Variants in CCDC3 observed in about 807,000 individuals in gnomAD.
The protein encoded by CCDC3 is coiled-coil domain-containing protein 3.
Under a neutral mutation model 21.4 loss-of-function variants are expected in CCDC3, and 24 were observed. The ratio of observed to expected loss-of-function variants is 1.12; its 90% CI spans 0.81 to 1.58. The LOEUF is 1.58. Ranked by LOEUF, CCDC3 falls within the 40% of genes most tolerant of loss-of-function variation. CCDC3 has a pLI of 0.00. For synonymous variants in CCDC3, 186 were observed against 166.0 expected (o/e 1.12, Z -0.93); for missense variants, 425 against 360.9 (o/e 1.18, Z -1.44).
rs928242714 is a variant in CCDC3, at chr10:12,955,989, T to A, written c.549+42349A>T. Among the ~76,000 whole-genome samples the A allele has an allele frequency of 1.4e-3, 207 of 152,244 alleles. 3 individuals carry two copies. Among genetic ancestry groups the A allele is most frequent in the Non-Finnish European group, 1.5e-3 (103 of 67,996 alleles). On this transcript the variant is annotated intron_variant, in intron 2 of 2. Transcript: ENST00000378825. ...TCCCAAAGTGCTGGGATTACAGATG[T>A]CAGCCACAGTGCCCAGCCCTAAATA...
chr10:12,975,302 C>T (rs951924294), intron 2 of CCDC3, among the ~76,000 whole-genome samples: 1 of 152,182 alleles, frequency 6.6e-6, no homozygotes, highest in African/African-American at 2.4e-5. Flanking sequence ...CCCAGACACC[C>T]CCACTGCCCT....
intron 3 of CCDC3, among the ~76,000 whole-genome samples, chr10:13,080,631 C>T (rs1277391088): frequency 2.0e-5 from 3 of 152,134 alleles, no homozygotes; most frequent in African/African-American, 7.2e-5. Context: ...TTATCCAACC[C>T]CTTATAAAGA....
chr10:12,931,419 C>T (rs1308166839), intron 2 of CCDC3, among the ~76,000 whole-genome samples: 1 of 152,140 alleles, frequency 6.6e-6, no homozygotes, highest in African/African-American at 2.4e-5. Flanking sequence ...CTAAAAACTA[C>T]GTTTCCCAAA....
chr10:12,962,927 C>T (rs577066370), intron 2 of CCDC3, among the ~76,000 whole-genome samples: 1 of 152,282 alleles, frequency 6.6e-6, no homozygotes, highest in South Asian at 2.1e-4. Flanking sequence ...TATATGGTTT[C>T]TTCCAAGCTT....
exon 2 of CCDC3, chr10:13,099,142 C>G (rs1243128307): frequency 6.6e-6 from 1 of 152,288 alleles, no homozygotes; most frequent in Non-Finnish European, 1.5e-5. Flanking sequence ...AACTCGAGGG[C>G]CCGGAATTGG....
At chr10:12,986,779 AAAAAACAAAAAAAC>A (rs1835602721) in intron 2 of CCDC3, among the ~76,000 whole-genome samples, 1 of 84,390 alleles carries the variant, frequency 1.2e-5, no homozygotes, top group Admixed American at 1.3e-4. Context: ...TCTCAAAAAA[AAAAAACAAAAAAAC>A]AAAAACAAAA....
chr10:13,030,434 T>C (rs1473554467), intron 5 of CCDC3, among the ~76,000 whole-genome samples: 1 of 152,158 alleles, frequency 6.6e-6, no homozygotes, highest in Non-Finnish European at 1.5e-5. Context: ...CTGCATCAAC[T>C]AATGAGCAAA....
chr10:13,080,193 AAGAGAG>A (rs150549896), intron 3 of CCDC3, among the ~76,000 whole-genome samples: 8 of 149,824 alleles, frequency 5.3e-5, no homozygotes, highest in African/African-American at 1.7e-4. Context: ...CGGGATGGCA[AAGAGAG>A]AGAGAGAGAG....
chr10:13,011,441 C>T (rs552126752), intron 5 of CCDC3, among the ~76,000 whole-genome samples: 3 of 152,064 alleles, frequency 2.0e-5, no homozygotes, highest in East Asian at 3.9e-4. Context: ...TTCAGAATTG[C>T]TACAAAAAGA....
chr10:12,996,345 T>C (rs1835761518), intron 2 of CCDC3, among the ~76,000 whole-genome samples: 3 of 152,182 alleles, frequency 2.0e-5, no homozygotes, highest in African/African-American at 7.2e-5. Context: ...TATGTTTGTT[T>C]GTTTCTTTGA....
intron 2 of CCDC3, among the ~76,000 whole-genome samples, chr10:12,994,737 C>T (rs1044094460): frequency 1.3e-5 from 2 of 152,014 alleles, no homozygotes; most frequent in African/African-American, 4.8e-5. Flanking sequence ...TGATGCTTGC[C>T]TTCCCACAGA....
intron 2 of CCDC3, among the ~76,000 whole-genome samples, chr10:12,957,282 C>A (rs1398515386): frequency 6.6e-6 from 1 of 152,204 alleles, no homozygotes; most frequent in Non-Finnish European, 1.5e-5. Context: ...CACCCAGTCA[C>A]CTCTAAAGGG....
intron 3 of CCDC3, among the ~76,000 whole-genome samples, chr10:13,079,929 G>C (rs192526206): frequency 6.6e-6 from 1 of 152,264 alleles, no homozygotes; most frequent in Non-Finnish European, 1.5e-5. Context: ...AAAAAAGAAA[G>C]GGAACTCAAG....
At chr10:13,009,852 T>C (rs543047714) in intron 5 of CCDC3, among the ~76,000 whole-genome samples, 40 of 152,210 alleles carry the variant, frequency 2.6e-4, no homozygotes, top group Admixed American at 5.2e-4. Context: ...TCAAAATATC[T>C]AATAAAAGAA....
chr10:13,030,733 C>A (rs971213769), intron 5 of CCDC3, among the ~76,000 whole-genome samples: 3 of 151,950 alleles, frequency 2.0e-5, no homozygotes, highest in Admixed American at 2.0e-4. Context: ...CAACAAAGAT[C>A]AAAAGAAACA....
intron 2 of CCDC3, among the ~76,000 whole-genome samples, chr10:12,937,595 T>G (rs1461308258): frequency 1.3e-5 from 2 of 152,108 alleles, no homozygotes; most frequent in Non-Finnish European, 1.5e-5. Context: ...CCCAAAATGT[T>G]GGGATTGAAA....
chr10:13,081,498 A>G (rs1216004194), intron 3 of CCDC3, among the ~76,000 whole-genome samples: 3 of 152,222 alleles, frequency 2.0e-5, no homozygotes, highest in African/African-American at 7.2e-5. Flanking sequence ...TCAAGAAAGC[A>G]TCATCACCAT....
At chr10:13,093,649 G>T (rs1450682612) in intron 3 of CCDC3, among the ~76,000 whole-genome samples, 1 of 152,076 alleles carries the variant, frequency 6.6e-6, no homozygotes, top group South Asian at 2.1e-4. Context: ...CACTGATGAA[G>T]AGGTCAAGGC....
intron 5 of CCDC3, among the ~76,000 whole-genome samples, chr10:13,048,985 A>G (rs1000190357): frequency 2.6e-5 from 4 of 152,152 alleles, no homozygotes; most frequent in Non-Finnish European, 5.9e-5. Flanking sequence ...ATGAGCATAC[A>G]AATTCCAAGT....
Sources: allele counts gnomAD v4.1 joint callset (sites outside exome capture counted in the v4.1 genomes callset), GRCh38; gene constraint gnomAD v4.1.1; transcripts MANE v1.5; gene names NCBI Gene and HGNC (gene_info 2026-07-23, HGNC 2026-07-21).